The following RAET1E variants were observed in gnomAD, a reference collection of about 807,000 sequenced individuals.
RAET1E encodes retinoic acid early transcript 1E, also known as NKG2D ligand 4.
In RAET1E, 27 loss-of-function variants were observed where a neutral mutation model predicts 21.1. That is an observed-to-expected ratio of 1.28 (90% CI 0.94 to 1.76). The LOEUF (loss-of-function observed/expected upper bound fraction) is 1.76. RAET1E is among the 40% of genes most tolerant of loss of function. The pLI is 0.00. For synonymous variants in RAET1E, 113 were observed against 115.0 expected (o/e 0.98, Z 0.11); for missense variants, 310 against 311.3 (o/e 1.00, Z 0.03).
At position 149,888,354 on chromosome 6, in the gene RAET1E, T is replaced by G; in HGVS notation, c.*144A>C. On this transcript the variant is annotated 3_prime_UTR_variant, in exon 6 of 6. Coordinates refer to ENST00000357183, the MANE Select transcript of RAET1E (RefSeq NM_001394057.1). ...GGAGATGATTGCTTCATCCCTCCTC[T>G]CACTGCACATTGTGCTGCCAGCCCT... 1.0e-6 allele frequency: 1 copy of G among 981,724 alleles called. No homozygotes were observed. The highest frequency in any genetic ancestry group is 1.5e-6 in the Non-Finnish European group (1 of 647,180). 60.8% of individuals were successfully genotyped at this position (981,724 alleles called of 1,614,324 possible). A position where few individuals can be genotyped will look rare whatever the true frequency, so the allele number is the denominator to read the frequency against.
chr6:149,892,679 T>A (rs1443435881), intron 2 of RAET1E, among the ~76,000 whole-genome samples: 1 of 152,260 alleles, frequency 6.6e-6, no homozygotes, highest in Non-Finnish European at 1.5e-5. Flanking sequence ...GATGATAGTT[T>A]CTTTTGCTGT....
intron 2 of RAET1E, among the ~76,000 whole-genome samples, 152 bp from the exon 3 acceptor site, chr6:149,891,186 CA>C (rs67210363): frequency 0.22 from 32,711 of 151,842 alleles, 4,295 homozygotes; most frequent in Admixed American, 0.33. Context: ...GCTGCCCCTG[CA>C]AAAAAAACCC....
At position 149,890,898 on chromosome 6, in the gene RAET1E, G is replaced by C; in HGVS notation, c.4C>G (p.Arg2Gly). The change falls in exon 3 of 6, where the codon CGA becomes GGA. Residue 2 changes from arginine to glycine, a missense_variant. Transcript: ENST00000357183. ...GGGCTAGAAGTCAGGGATATTCTTCGCATACTGTGGAGAGTAACAGGCAGG... is the reference window on the plus strand; with the variant it reads ...GGGCTAGAAGTCAGGGATATTCTTCCCATACTGTGGAGAGTAACAGGCAGG... The part of the protein sequence containing the change: M[R>G]RISLTSSPVR... 6.2e-7 allele frequency: 1 copy of C among 1,607,604 alleles called. No homozygotes were observed. The highest frequency in any genetic ancestry group is 1.7e-4 in the Middle Eastern group (1 of 6,042).
At chr6:149,897,869 A>G (rs983126907) in intron 1 of RAET1E, among the ~76,000 whole-genome samples, 152 bp downstream of exon 1, 1 of 140,046 alleles carries the variant, frequency 7.1e-6, no homozygotes, top group Non-Finnish European at 1.5e-5. Flanking sequence ...CCGCCGCCAC[A>G]CCCCCAGCAT....
In RAET1E at chr6:149,889,073, G is replaced by C. The variant is rs138790920; in HGVS notation, c.622+275C>G. On this transcript the variant is annotated intron_variant, in intron 5 of 5. Coordinates refer to ENST00000357183, the MANE Select transcript of RAET1E (RefSeq NM_001394057.1). The stretch of plus-strand genomic sequence containing the variant: ...AAGAGAAGGCCTGGATGTTTGCAAT[G>C]ACACAGATAGACTTGGGACCATTTA... 7.2e-4 allele frequency: 1,008 copies of C among 1,392,638 alleles called. 6 individuals carry two copies. In the African/African-American group the frequency reaches 0.013, roughly 18 times the overall value. The allele number at this position is 1,392,638 out of a possible 1,614,324, so 86.3% of individuals were successfully genotyped here.
Position 149,894,484 on chromosome 6 carries a change from T to G in RAET1E, c.-134+1362A>C, listed in dbSNP as rs149835354. 3.6e-3 allele frequency among the ~76,000 whole-genome samples: 541 copies of G among 152,280 alleles called. 6 individuals are homozygous for G. Among genetic ancestry groups the G allele is most frequent in the African/African-American group, 0.011 (457 of 41,560 alleles). Reference sequence around the variant, plus strand: ...AGGCTTTGTTCATTCCTTTTTATTCTTTTTTCTCTAATCTTGTCTTCTCTC... The same window carrying G: ...AGGCTTTGTTCATTCCTTTTTATTCGTTTTTCTCTAATCTTGTCTTCTCTC... On this transcript the variant is annotated intron_variant, in intron 2 of 5. Coordinates refer to ENST00000357183, the MANE Select transcript of RAET1E (RefSeq NM_001394057.1).
At position 149,888,097 on chromosome 6, in the gene RAET1E, T is replaced by C; in HGVS notation, c.*401A>G. Reference sequence around the variant, plus strand: ...TTTAGAGGGTGGTGAAAGGATTTCTTATACCACATCTTGTATGTTATCTGG... The same window carrying C: ...TTTAGAGGGTGGTGAAAGGATTTCTCATACCACATCTTGTATGTTATCTGG... On this transcript the variant is annotated 3_prime_UTR_variant, in exon 6 of 6. Transcript: ENST00000357183. The C allele has an allele frequency of 1.5e-5, 7 of 463,598 alleles. No homozygotes were observed. Among genetic ancestry groups the C allele is most frequent in the South Asian group, 9.4e-5 (6 of 63,610 alleles). The allele number at this position is 463,598 out of a possible 1,614,324, so 28.7% of individuals were successfully genotyped here. A position where few individuals can be genotyped will look rare whatever the true frequency, so the allele number is the denominator to read the frequency against.
At chr6:149,888,792 G>C (rs1466378048) in intron 5 of RAET1E, 125 bp from the exon 6 acceptor site, 1 of 1,378,530 alleles carries the variant, frequency 7.3e-7, no homozygotes, top group Non-Finnish European at 9.6e-7. Flanking sequence ...ATAATCACTG[G>C]CTCATGTGAC....
chr6:149,891,885 C>G (rs12204653), intron 2 of RAET1E, among the ~76,000 whole-genome samples: 32,665 of 152,046 alleles, frequency 0.21, 4,287 homozygotes, highest in Admixed American at 0.33. Flanking sequence ...CCTAGCCCCC[C>G]ACCCCGTGAC....
Position 149,890,048 on chromosome 6 carries a change from G to T in RAET1E, c.183C>A (p.Phe61Leu), listed in dbSNP as rs1270958554. The change falls in exon 4 of 6, where the codon TTC becomes TTA. Residue 61 changes from phenylalanine to leucine, a missense_variant. Coordinates refer to ENST00000357183, the MANE Select transcript of RAET1E (RefSeq NM_001394057.1). Reference protein sequence around the residue: ...EAQVFLNKNLFLQYNSDNNMV... With the variant: ...EAQVFLNKNLLLQYNSDNNMV... ...TGTTGTTGTCACTGTTGTACTGAAG[G>T]AAAAGATTTTTATTCAAGAAGACCT... The T allele has an allele frequency of 6.8e-6, 11 of 1,614,126 alleles. 1 individual carries two copies. The highest frequency in any genetic ancestry group is 9.3e-6 in the Non-Finnish European group (11 of 1,179,996).
chr6:149,894,892 T>C (rs1319349660), intron 2 of RAET1E, among the ~76,000 whole-genome samples: 3 of 152,180 alleles, frequency 2.0e-5, no homozygotes, highest in Non-Finnish European at 4.4e-5. Flanking sequence ...GCGCACTGGT[T>C]TTTTCCTATC....
Position 149,888,361 on chromosome 6 carries a change from A to C in RAET1E, c.*137T>G. On this transcript the variant is annotated 3_prime_UTR_variant, in exon 6 of 6. Transcript: ENST00000357183. ...ATTGCTTCATCCCTCCTCTCACTGC[A>C]CATTGTGCTGCCAGCCCTGCTGTGT... 2 of 1,056,080 alleles carry C rather than the reference A, an allele frequency of 1.9e-6. No individual in the cohort carries two copies. Among genetic ancestry groups the C allele is most frequent in the Non-Finnish European group, 2.8e-6 (2 of 712,432 alleles). 65.4% of individuals were successfully genotyped at this position (1,056,080 alleles called of 1,614,324 possible).
At chr6:149,894,182 T>C (rs1417030062) in intron 2 of RAET1E, among the ~76,000 whole-genome samples, 2 of 152,234 alleles carry the variant, frequency 1.3e-5, no homozygotes, top group Non-Finnish European at 2.9e-5. Flanking sequence ...CAGGTTTTGG[T>C]ATCAGGATGA....
chr6:149,890,353 G>C (rs1777834099), intron 3 of RAET1E, among the ~76,000 whole-genome samples: 1 of 152,020 alleles, frequency 6.6e-6, no homozygotes, highest in Non-Finnish European at 1.5e-5. Context: ...GGACCCCTGG[G>C]GTGCACTTAG....
intron 2 of RAET1E, among the ~76,000 whole-genome samples, chr6:149,893,497 CTGTT>C (rs201472086): frequency 0.14 from 21,616 of 152,064 alleles, 2,127 homozygotes; most frequent in East Asian, 0.55. Flanking sequence ...ATTTGGCTGT[CTGTT>C]TGTCTGTTAT....
At chr6:149,897,279 C>T (rs925623219) in intron 1 of RAET1E, among the ~76,000 whole-genome samples, 1 of 152,054 alleles carries the variant, frequency 6.6e-6, no homozygotes, top group Non-Finnish European at 1.5e-5. Context: ...AAACAATCCT[C>T]CCCCCTCAGC....
In RAET1E at chr6:149,887,138, G is replaced by A. The variant is rs7769118; in HGVS notation, c.*1360C>T. Among the ~76,000 whole-genome samples, 58,563 of 151,792 alleles carry A rather than the reference G, an allele frequency of 0.39. 12,456 individuals are homozygous for A. Among genetic ancestry groups the A allele is most frequent in the East Asian group, 0.88 (4,527 of 5,126 alleles). On this transcript the variant is annotated 3_prime_UTR_variant, in exon 6 of 6. Coordinates refer to ENST00000357183, the MANE Select transcript of RAET1E (RefSeq NM_001394057.1). ...GCAGCCGACTCGGTTACCAGGATGA[G>A]GCTAGAGGCCAGGAACTCCCAGGTG...
Position 149,885,266 on chromosome 6 carries a change from A to G in RAET1E, c.*3232T>C, listed in dbSNP as rs1286840077. Among the ~76,000 whole-genome samples the G allele has an allele frequency of 6.6e-6, 1 of 151,728 alleles. No individual in the cohort carries two copies. The highest frequency in any genetic ancestry group is 1.5e-5 in the Non-Finnish European group (1 of 67,984). On this transcript the variant is annotated 3_prime_UTR_variant, in exon 6 of 6. Transcript: ENST00000357183. Reference sequence around the variant, plus strand: ...GCCCGACTTTGCCAAACCGCTGTGGATGCATTAATTTGGAAAGGTCCCTGT... The same window carrying G: ...GCCCGACTTTGCCAAACCGCTGTGGGTGCATTAATTTGGAAAGGTCCCTGT...
Position 149,895,847 on chromosome 6 carries a change from T to A in RAET1E, c.-135A>T, listed in dbSNP as rs1194150653. On this transcript the variant is annotated splice_region_variant and 5_prime_UTR_variant, in exon 2 of 6. In the 5' UTR this introduces an upstream ATG that the reference lacks. Transcript: ENST00000357183. Reference sequence around the variant, plus strand: ...AAACACCAAGCATTTATTTCTTACCTTCCTGGAAGATGGGAAGTCCAAGAT... The same window carrying A: ...AAACACCAAGCATTTATTTCTTACCATCCTGGAAGATGGGAAGTCCAAGAT... 1 of 152,228 alleles carries A rather than the reference T, an allele frequency of 6.6e-6. No homozygotes were observed. Among genetic ancestry groups the A allele is most frequent in the Non-Finnish European group, 1.5e-5 (1 of 68,050 alleles). 9.4% of individuals were successfully genotyped at this position (152,228 alleles called of 1,614,324 possible).
Sources: allele counts gnomAD v4.1 joint callset (sites outside exome capture counted in the v4.1 genomes callset), GRCh38; gene constraint gnomAD v4.1.1; transcripts MANE v1.5; gene names NCBI Gene and HGNC (gene_info 2026-07-23, HGNC 2026-07-21).